CNTN6: variants seen among roughly 807,000 people sequenced by gnomAD.
CNTN6 encodes contactin-6.
In CNTN6, 137 loss-of-function variants were observed where a neutral mutation model predicts 122.8. The ratio of observed to expected loss-of-function variants is 1.12; its 90% CI spans 0.97 to 1.29. CNTN6 has a LOEUF of 1.29. CNTN6 is among the 50% of genes most tolerant of loss of function. CNTN6 has a pLI of 0.00. For missense variants in CNTN6, 1,634 were observed against 1,223.4 expected, an observed-to-expected ratio of 1.34 and a Z score of -5.01; for synonymous variants, 570 against 426.0, an observed-to-expected ratio of 1.34 and a Z score of -4.16.
At chr3:1,291,176 GC>G (rs1695256890) in intron 5 of CNTN6, among the ~76,000 whole-genome samples, 1 of 152,152 alleles carries the variant, frequency 6.6e-6, no homozygotes, top group South Asian at 2.1e-4. Context: ...GTTAGTTCTT[GC>G]ACCCTTAGCC....
At chr3:1,227,734 C>T in intron 3 of CNTN6, 84 bp from the exon 4 acceptor site, 6 of 1,377,078 alleles carry the variant, frequency 4.4e-6, no homozygotes, top group Non-Finnish European at 6.0e-6. Context: ...TTTATAGTTG[C>T]AGGAATTAGA....
At position 1,245,443 on chromosome 3, in the gene CNTN6, A is replaced by C. The variant is rs62229426; in HGVS notation, c.358+17450A>C. Among the ~76,000 whole-genome samples, 1,078 of 146,364 alleles carry C rather than the reference A, an allele frequency of 7.4e-3. 12 individuals carry two copies. Among genetic ancestry groups the C allele is most frequent in the South Asian group, 0.029 (134 of 4,588 alleles). ...TAAGTGAAGTAACTCAGGAATGGAAAATCAAACATCATACGTTCTTATTCA... is the reference window on the plus strand; with the variant it reads ...TAAGTGAAGTAACTCAGGAATGGAACATCAAACATCATACGTTCTTATTCA... On this transcript the variant is annotated intron_variant, in intron 4 of 22. Coordinates refer to ENST00000446702, the MANE Select transcript of CNTN6 (RefSeq NM_001289080.2).
chr3:1,103,974 A>T (rs1025538078), intron 1 of CNTN6, among the ~76,000 whole-genome samples: 1 of 152,092 alleles, frequency 6.6e-6, no homozygotes, highest in African/African-American at 2.4e-5. Flanking sequence ...AATTACCAAT[A>T]TTAATAATAT....
chr3:1,381,812 C>T (rs1172910801), intron 17 of CNTN6, among the ~76,000 whole-genome samples: 4 of 152,046 alleles, frequency 2.6e-5, no homozygotes, highest in Non-Finnish European at 4.4e-5. Flanking sequence ...ATTGTTTTGC[C>T]ACCCACCATG....
At chr3:1,126,961 C>A (rs974497837) in intron 1 of CNTN6, among the ~76,000 whole-genome samples, 4 of 151,512 alleles carry the variant, frequency 2.6e-5, no homozygotes, top group Non-Finnish European at 5.9e-5. Flanking sequence ...ATCTCAATAT[C>A]CTAAGTTATA....
chr3:1,229,413 T>C (rs2094325985), intron 4 of CNTN6, among the ~76,000 whole-genome samples: 1 of 152,124 alleles, frequency 6.6e-6, no homozygotes, highest in African/African-American at 2.4e-5. Context: ...ATCATAAATT[T>C]GACTCTTTGG....
intron 17 of CNTN6, among the ~76,000 whole-genome samples, chr3:1,381,629 G>C (rs950302469): frequency 2.0e-5 from 3 of 152,126 alleles, no homozygotes; most frequent in African/African-American, 4.8e-5. Context: ...AGTCTCTCAT[G>C]CTTATGCCTC....
chr3:1,105,609 C>G (rs1013379188), intron 1 of CNTN6, among the ~76,000 whole-genome samples: 2 of 152,104 alleles, frequency 1.3e-5, no homozygotes, highest in East Asian at 1.9e-4. Flanking sequence ...GTTAATGTTT[C>G]TAAATGTATT....
intron 1 of CNTN6, among the ~76,000 whole-genome samples, chr3:1,116,781 T>C (rs1008648533): frequency 1.4e-5 from 2 of 145,104 alleles, no homozygotes; most frequent in African/African-American, 5.1e-5. Flanking sequence ...CTCAGCTCAC[T>C]GCAACCTCTG....
intron 1 of CNTN6, among the ~76,000 whole-genome samples, chr3:1,093,664 C>A (rs2090361102): frequency 6.6e-6 from 1 of 152,078 alleles, no homozygotes; most frequent in African/African-American, 2.4e-5. Context: ...CATATGGGCT[C>A]ACCAAATTTT....
At chr3:1,331,850 CTAAGA>C (rs1702336611) in intron 11 of CNTN6, among the ~76,000 whole-genome samples, 1 of 151,030 alleles carries the variant, frequency 6.6e-6, no homozygotes, top group South Asian at 2.1e-4. Flanking sequence ...AAAAAAAAAG[CTAAGA>C]TAATAAGAAA....
chr3:1,363,551 A>G (rs1178727210), intron 12 of CNTN6, among the ~76,000 whole-genome samples: 1 of 151,896 alleles, frequency 6.6e-6, no homozygotes, highest in Non-Finnish European at 1.5e-5. Context: ...CACCTAGCAT[A>G]GTTCTTCCAG....
chr3:1,158,911 T>TAC (rs1351969566), intron 2 of CNTN6, among the ~76,000 whole-genome samples: 4 of 108,470 alleles, frequency 3.7e-5, no homozygotes, highest in South Asian at 2.8e-4. Context: ...CACATATATA[T>TAC]ACACACACAT....
intron 12 of CNTN6, among the ~76,000 whole-genome samples, chr3:1,369,715 C>G (rs1053052715): frequency 2.0e-5 from 3 of 151,802 alleles, no homozygotes; most frequent in Admixed American, 6.6e-5. Context: ...TTTGCTCTGT[C>G]AACACATCCA....
At chr3:1,103,985 T>G (rs2091089137) in intron 1 of CNTN6, among the ~76,000 whole-genome samples, 1 of 152,100 alleles carries the variant, frequency 6.6e-6, no homozygotes, top group Non-Finnish European at 1.5e-5. Context: ...TTAATAATAT[T>G]TTTATTCAAC....
chr3:1,356,662 G>A (rs1350563643), intron 12 of CNTN6, among the ~76,000 whole-genome samples: 2 of 151,812 alleles, frequency 1.3e-5, no homozygotes, highest in Non-Finnish European at 2.9e-5. Context: ...CGTAGTACTT[G>A]AAAACACCAG....
intron 1 of CNTN6, among the ~76,000 whole-genome samples, chr3:1,121,289 T>A (rs1165786251): frequency 6.6e-6 from 1 of 151,886 alleles, no homozygotes; most frequent in Non-Finnish European, 1.5e-5. Flanking sequence ...AGGGAAAACA[T>A]TGTTAGAACT....
chr3:1,182,897 C>G (rs965665974), intron 2 of CNTN6, among the ~76,000 whole-genome samples: 3 of 151,886 alleles, frequency 2.0e-5, no homozygotes, highest in Non-Finnish European at 4.4e-5. Flanking sequence ...TATACCTTTT[C>G]GACAGATTCA....
In CNTN6 at chr3:1,155,428, A is replaced by G. The variant is rs147510146; in HGVS notation, c.55+7365A>G. ...AGCAATTGAACTGGTTCTTGTTAGA[A>G]TCTACTTTTAGGCATAAATGTTTTA... On this transcript the variant is annotated intron_variant, in intron 2 of 22. Transcript: ENST00000446702. Among the ~76,000 whole-genome samples the G allele has an allele frequency of 4.6e-5, 7 of 152,318 alleles. No homozygotes were observed. The East Asian group carries it at 1.4e-3, about 29-fold the overall frequency.
Sources: allele counts gnomAD v4.1 joint callset (sites outside exome capture counted in the v4.1 genomes callset), GRCh38; gene constraint gnomAD v4.1.1; transcripts MANE v1.5; gene names NCBI Gene and HGNC (gene_info 2026-07-23, HGNC 2026-07-21).